CYP2C18: variants seen among roughly 807,000 people sequenced by gnomAD.
The protein encoded by CYP2C18 is cytochrome P450 2C18.
CYP2C18 carries 38 observed loss-of-function variants against 41.3 expected under a neutral mutation model. The ratio of observed to expected loss-of-function variants is 0.92; its 90% CI spans 0.71 to 1.21. CYP2C18 has a LOEUF of 1.21. Among genes scored for constraint, CYP2C18 ranks in the 50% most tolerant of loss-of-function variants. CYP2C18 has a pLI of 0.00. For missense variants in CYP2C18, 635 were observed against 591.4 expected, an observed-to-expected ratio of 1.07 and a Z score of -0.77; for synonymous variants, 236 against 210.0, an observed-to-expected ratio of 1.12 and a Z score of -1.07.
intron 4 of CYP2C18, among the ~76,000 whole-genome samples, chr10:94,702,109 A>T (rs1389151496): frequency 6.6e-6 from 1 of 152,186 alleles, no homozygotes; most frequent in Non-Finnish European, 1.5e-5. Flanking sequence ...ATCTGCTGTT[A>T]GTCTAATGGG....
At chr10:94,703,618 A>G (rs146062779) in intron 4 of CYP2C18, among the ~76,000 whole-genome samples, 3,838 of 152,176 alleles carry the variant, frequency 0.025, 147 homozygotes, top group African/African-American at 0.075. Context: ...TCGACTTCAG[A>G]CTGCTGTGCT....
chr10:94,706,754 T>A, intron 4 of CYP2C18, 30 bp from the exon 5 acceptor site: 1 of 1,311,388 alleles, frequency 7.6e-7, no homozygotes, highest in Non-Finnish European at 1.1e-6. Context: ...TACATGTGTT[T>A]AATTTAATTA....
In CYP2C18 at chr10:94,724,532, A is replaced by G. The variant is rs370873051; in HGVS notation, c.1148A>G (p.Lys383Arg). 2.5e-6 allele frequency: 4 copies of G among 1,613,044 alleles called. No individual in the cohort carries two copies. The highest frequency in any genetic ancestry group is 3.3e-5 in the Admixed American group (2 of 59,918). Residue 383 changes from lysine to arginine, a missense_variant and splice_region_variant, in exon 7 of 9, where the codon AAG becomes AGG. Coordinates refer to ENST00000285979, the MANE Select transcript of CYP2C18 (RefSeq NM_000772.3). ...AAATTCAAAAACTACCTCATCCCCA[A>G]GGTAAGCTTGTTTCTCCTACACTAC... is the stretch of plus-strand genomic sequence containing the variant. ...DVKFKNYLIP[K>R]GTTIITSLTS...
In CYP2C18 at chr10:94,724,425, C is replaced by T; in HGVS notation, c.1041C>T (p.Tyr347=). 6.2e-7 allele frequency: 1 copy of T among 1,613,620 alleles called. No individual in the cohort carries two copies. Among genetic ancestry groups the T allele is most frequent in the Non-Finnish European group, 8.5e-7 (1 of 1,179,692 alleles). The change falls in exon 7 of 9, where the codon TAC becomes TAT. Residue 347 remains tyrosine, a synonymous_variant. Transcript: ENST00000285979. ...TGCAGGACAGGAGTCACATGCCCTA[C>T]ACAGATGCTGTGGTGCACGAGATCC... ...PCMQDRSHMP[Y]TDAVVHEIQR...
chr10:94,719,827 G>T (rs979830808), intron 5 of CYP2C18, among the ~76,000 whole-genome samples: 2 of 151,932 alleles, frequency 1.3e-5, no homozygotes, highest in African/African-American at 4.8e-5. Flanking sequence ...GCCTGTCTTG[G>T]CCTCCCAAAG....
At chr10:94,690,045 G>A (rs2134175827) in intron 3 of CYP2C18, among the ~76,000 whole-genome samples, 1 of 152,196 alleles carries the variant, frequency 6.6e-6, no homozygotes, top group Non-Finnish European at 1.5e-5. Flanking sequence ...ACTTCCCCAT[G>A]TGGCTCCCCG....
At chr10:94,685,987 G>T (rs2134172935) in intron 1 of CYP2C18, among the ~76,000 whole-genome samples, 1 of 152,128 alleles carries the variant, frequency 6.6e-6, no homozygotes, top group African/African-American at 2.4e-5. Flanking sequence ...TGGGTAATAT[G>T]GACATTTTTC....
intron 5 of CYP2C18, among the ~76,000 whole-genome samples, chr10:94,709,824 G>A (rs1847405103): frequency 6.6e-6 from 1 of 152,054 alleles, no homozygotes; most frequent in African/African-American, 2.4e-5. Flanking sequence ...TGTGCATTCA[G>A]TTGTCCTAGT....
chr10:94,702,364 A>C (rs1847262227), intron 4 of CYP2C18, among the ~76,000 whole-genome samples: 1 of 152,088 alleles, frequency 6.6e-6, no homozygotes, highest in South Asian at 2.1e-4. Flanking sequence ...TCACTTTCAG[A>C]TACACCAATC....
intron 7 of CYP2C18, among the ~76,000 whole-genome samples, chr10:94,725,383 G>A (rs1023388544): frequency 1.3e-5 from 2 of 151,868 alleles, no homozygotes; most frequent in Admixed American, 6.6e-5. Flanking sequence ...AAATTTATTT[G>A]TAATTTCTAT....
intron 7 of CYP2C18, 65 bp downstream of exon 7, chr10:94,724,598 C>T (rs1288969223): frequency 1.3e-5 from 18 of 1,412,736 alleles, no homozygotes; most frequent in East Asian, 2.3e-5. Context: ...TAGTATAGTC[C>T]CAATCCTCTA....
intron 8 of CYP2C18, 92 bp downstream of exon 8, chr10:94,733,530 G>A (rs1252756987): frequency 1.3e-6 from 2 of 1,562,508 alleles, no homozygotes; most frequent in East Asian, 2.3e-5. Flanking sequence ...CTGAGGTTTG[G>A]CTGAATTGCT....
chr10:94,701,368 G>C (rs1047736825), intron 4 of CYP2C18, among the ~76,000 whole-genome samples: 2 of 151,914 alleles, frequency 1.3e-5, no homozygotes, highest in African/African-American at 4.8e-5. Context: ...CTATCGCAAG[G>C]ACAAAAAACC....
chr10:94,717,051 C>G (rs1447451361), intron 5 of CYP2C18, among the ~76,000 whole-genome samples: 1 of 152,078 alleles, frequency 6.6e-6, no homozygotes, highest in Admixed American at 6.6e-5. Flanking sequence ...TTCCTCCTTC[C>G]CTTTATTTTG....
At chr10:94,726,276 G>A (rs1442900867) in intron 7 of CYP2C18, among the ~76,000 whole-genome samples, 3 of 151,880 alleles carry the variant, frequency 2.0e-5, no homozygotes, top group Non-Finnish European at 4.4e-5. Context: ...GTATACACGT[G>A]CCATGGTGGT....
intron 7 of CYP2C18, among the ~76,000 whole-genome samples, chr10:94,728,980 G>A (rs1020375756): frequency 5.3e-5 from 8 of 152,070 alleles, no homozygotes; most frequent in Non-Finnish European, 1.0e-4. Context: ...GAGGGGACCC[G>A]CTTTCAAGAT....
intron 5 of CYP2C18, among the ~76,000 whole-genome samples, chr10:94,719,410 AT>A (rs200020774): frequency 0.026 from 3,837 of 145,952 alleles, 145 homozygotes; most frequent in African/African-American, 0.077. Context: ...CATCTTGATT[AT>A]TTTTTTTTTT....
intron 4 of CYP2C18, among the ~76,000 whole-genome samples, chr10:94,705,896 A>T (rs972602240): frequency 2.1e-4 from 32 of 152,296 alleles, no homozygotes; most frequent in African/African-American, 6.0e-4. Context: ...CCCCAAATCC[A>T]GTTTCTGGCA....
In CYP2C18 at chr10:94,716,352, A is replaced by G. The variant is rs190348126; in HGVS notation, c.820-4044A>G. Among the ~76,000 whole-genome samples, 516 of 152,204 alleles carry G rather than the reference A, an allele frequency of 3.4e-3. 3 individuals carry two copies. The highest frequency in any genetic ancestry group is 7.9e-3 in the South Asian group (38 of 4,824). On this transcript the variant is annotated intron_variant, in intron 5 of 8. Transcript: ENST00000285979. Reference sequence around the variant, plus strand: ...TACATTTCCCTCTACACACTGCTTTAAATGTGTCCCAGAGATTCTGGTATG... The same window carrying G: ...TACATTTCCCTCTACACACTGCTTTGAATGTGTCCCAGAGATTCTGGTATG...
Sources: gnomAD v4.1 joint callset for allele counts (sites outside exome capture counted in the v4.1 genomes callset) on GRCh38, gnomAD v4.1.1 for gene constraint, MANE v1.5 for transcripts, NCBI Gene and HGNC (gene_info 2026-07-23, HGNC 2026-07-21) for gene names.